The following DGCR8 variants were observed in gnomAD, a reference collection of about 807,000 sequenced individuals.
DGCR8 encodes microprocessor complex subunit DGCR8.
A neutral mutation model predicts 78.5 loss-of-function variants in DGCR8; 14 were observed. The observed-to-expected ratio is 0.18, with a 90% CI of 0.12 to 0.28. DGCR8 has a LOEUF of 0.28. Among genes scored for constraint, DGCR8 ranks in the 10% least tolerant of loss-of-function variants. The pLI is 1.00. For synonymous variants in DGCR8, 399 were observed against 402.4 expected (o/e 0.99, Z 0.10); for missense variants, 702 against 1,022.5 (o/e 0.69, Z 4.28).
In DGCR8 at chr22:20,089,952, A is replaced by G; in HGVS notation, c.1024-24A>G. On this transcript the variant is annotated intron_variant, in intron 4 of 13. Coordinates refer to ENST00000351989, the MANE Select transcript of DGCR8 (RefSeq NM_022720.7). This position sits in a 1 kb window ranked among gnomAD's most constrained non-coding sequence, Gnocchi z 4.9. Reference sequence around the variant, plus strand: ...GACTCTCGGGTTGTCCTTGTAATCCATATTGCAATTTCACTATCCACAGAA... The same window carrying G: ...GACTCTCGGGTTGTCCTTGTAATCCGTATTGCAATTTCACTATCCACAGAA... The G allele has an allele frequency of 1.9e-6, 3 of 1,596,076 alleles. No individual in the cohort carries two copies. The highest frequency in any genetic ancestry group is 1.1e-5 in the South Asian group (1 of 88,470).
rs1457555223 is a variant in DGCR8, at chr22:20,108,898, G to A, written c.2133G>A (p.Ser711=). The change falls in exon 13 of 14, where the codon TCG becomes TCA. Residue 711 remains serine (S), a synonymous_variant. Coordinates refer to ENST00000351989, the MANE Select transcript of DGCR8 (RefSeq NM_022720.7). Reference sequence around the variant, plus strand: ...GGTGCTATACTTCCCAGGAGACATCGGACAAGAGTGTGATTGAGCTGCAGC... The same window carrying A: ...GGTGCTATACTTCCCAGGAGACATCAGACAAGAGTGTGATTGAGCTGCAGC... The part of the protein sequence containing the change: ...ESSKMVKQET[S]DKSVIELQQY... The A allele has an allele frequency of 1.7e-5, 27 of 1,579,754 alleles. No homozygotes were observed. The highest frequency in any genetic ancestry group is 2.3e-5 in the Non-Finnish European group (27 of 1,149,230).
rs1045026293 is a variant in DGCR8 at position 20,087,918 on chromosome 22, C to T, written c.880+597C>T. Among the ~76,000 whole-genome samples, 4 of 152,076 alleles carry T rather than the reference C, an allele frequency of 2.6e-5. No homozygotes were observed. Among genetic ancestry groups the T allele is most frequent in the Non-Finnish European group, 4.4e-5 (3 of 68,010 alleles). ...GCGCCCAGAGTTGCACTGTGAGGCT[C>T]TGTCATCGATGTGGTGCAGGTGTTG... is the stretch of plus-strand genomic sequence containing the variant. On this transcript the variant is annotated intron_variant, in intron 3 of 13. Transcript: ENST00000351989. This position sits in a 1 kb window ranked among gnomAD's most constrained non-coding sequence, Gnocchi z 4.1.
Position 20,085,890 on chromosome 22 carries a change from C to A in DGCR8, c.-74C>A. On this transcript the variant is annotated 5_prime_UTR_variant, in exon 2 of 14. Transcript: ENST00000351989. This position sits in a 1 kb window ranked among gnomAD's most constrained non-coding sequence, Gnocchi z 6.2. ...GCGCCCGGGTCTCAGCGGACTTGTG[C>A]ATGTTAGCTGTGTAGATTTATGTGA... The A allele has an allele frequency of 6.6e-7, 1 of 1,504,136 alleles. No homozygotes were observed. The highest frequency in any genetic ancestry group is 1.3e-5 in the South Asian group (1 of 75,392). The allele number at this position is 1,504,136 out of a possible 1,614,324, so 93.2% of individuals were successfully genotyped here.
chr22:20,082,012 C>T (rs1221777872), intron 1 of DGCR8, among the ~76,000 whole-genome samples: 1 of 151,640 alleles, frequency 6.6e-6, no homozygotes. Flanking sequence ...CATCCACCAT[C>T]TATAGTTTTT....
In DGCR8 at chr22:20,087,832, C is replaced by T. The variant is rs181972437; in HGVS notation, c.880+511C>T. On this transcript the variant is annotated intron_variant, in intron 3 of 13. Transcript: ENST00000351989. This position sits in a 1 kb window ranked among gnomAD's most constrained non-coding sequence, Gnocchi z 4.1. The stretch of plus-strand genomic sequence containing the variant: ...CTTCAGCTGGGCAGGGTGGAAGTGC[C>T]CTGGTCGACGTGGCACTTCCTCAAC... Among the ~76,000 whole-genome samples the T allele has an allele frequency of 3.3e-4, 50 of 152,194 alleles. No homozygotes were observed. The highest frequency in any genetic ancestry group is 3.4e-3 in the Middle Eastern group (1 of 294).
At chr22:20,106,451 T>C (rs2049770980) in intron 10 of DGCR8, 141 bp from the exon 11 acceptor site, 1 of 817,046 alleles carries the variant, frequency 1.2e-6, no homozygotes, top group Non-Finnish European at 2.0e-6. Flanking sequence ...ATCGGGCGTG[T>C]GGAGAATTCC....
chr22:20,111,303 G>C lies in DGCR8; in HGVS notation c.*1195G>C. ...GCTTGTGGTGCGCCATCTGAAGCAA[G>C]AGTCCAGCGTTCTGCCGTGTCTGTC... On this transcript the variant is annotated 3_prime_UTR_variant, in exon 14 of 14. Coordinates refer to ENST00000351989, the MANE Select transcript of DGCR8 (RefSeq NM_022720.7). 1 of 398,834 alleles carries C rather than the reference G, an allele frequency of 2.5e-6. No individual in the cohort carries two copies. 24.7% of individuals were successfully genotyped at this position (398,834 alleles called of 1,614,324 possible).
chr22:20,101,543 A>T, intron 9 of DGCR8: 1 of 970,592 alleles, frequency 1.0e-6, no homozygotes, highest in South Asian at 4.8e-5. Flanking sequence ...GCGCCACTGC[A>T]CTCCAGCCTG....
rs1036064524 is a variant in DGCR8 at position 20,106,109 on chromosome 22, C to T, written c.1789-68C>T. 1.8e-5 allele frequency: 25 copies of T among 1,361,650 alleles called. No homozygotes were observed. The African/African-American group carries it at 3.2e-4, about 17-fold the overall frequency. 84.3% of individuals were successfully genotyped at this position (1,361,650 alleles called of 1,614,324 possible). ...CATTAAGCATCTGGGGAAAGCCAAC[C>T]GCAGGCCCAGCCATGAAGAGGCCGG... is the stretch of plus-strand genomic sequence containing the variant. On this transcript the variant is annotated intron_variant, in intron 9 of 13. Transcript: ENST00000351989.
intron 9 of DGCR8, chr22:20,096,682 C>T (rs2049632449): frequency 6.2e-6 from 1 of 161,452 alleles, no homozygotes; most frequent in Non-Finnish European, 1.3e-5. Context: ...TCTTAGTTCT[C>T]TCCAACCACC....
chr22:20,095,948 A>G (rs1568957380), intron 9 of DGCR8, among the ~76,000 whole-genome samples: 1 of 151,528 alleles, frequency 6.6e-6, no homozygotes, highest in East Asian at 1.9e-4. Context: ...TCACACTCCT[A>G]TGAGAATCTA....
intron 11 of DGCR8, 64 bp from the exon 12 acceptor site, chr22:20,107,207 A>AG (rs1456787140): frequency 6.2e-7 from 1 of 1,605,840 alleles, no homozygotes; most frequent in East Asian, 2.2e-5. Context: ...TGGGAGCGGC[A>AG]GGGGGCCCCA....
Position 20,090,160 on chromosome 22 carries a change from G to A in DGCR8, c.1208G>A (p.Gly403Glu), listed in dbSNP as rs753685267. The change falls in exon 5 of 14, where the codon GGG (glycine) becomes GAG (glutamate). Residue 403 changes from glycine to glutamate, a missense_variant. This residue lies in a region of DGCR8 where 119 missense variants were observed against 126.1 expected (regional missense o/e 0.94). Coordinates refer to ENST00000351989, the MANE Select transcript of DGCR8 (RefSeq NM_022720.7). ...DEPDSMGADP[G>E]PPDEKDPLGA... The stretch of plus-strand genomic sequence containing the variant: ...CCTGACTCTATGGGTGCTGACCCGG[G>A]GCCCCCGGACGAGAAAGACCCACTA... 6.2e-7 allele frequency: 1 copy of A among 1,614,256 alleles called. No homozygotes were observed. Among genetic ancestry groups the A allele is most frequent in the African/African-American group, 1.3e-5 (1 of 75,070 alleles).
At position 20,087,165 on chromosome 22, in the gene DGCR8, G is replaced by A. The variant is rs763922891; in HGVS notation, c.724G>A (p.Asp242Asn). The A allele has an allele frequency of 6.2e-7, 1 of 1,609,002 alleles. No individual in the cohort carries two copies. Among genetic ancestry groups the A allele is most frequent in the South Asian group, 1.1e-5 (1 of 90,682 alleles). Residue 242 changes from aspartate to asparagine, a missense_variant, in exon 3 of 14, where the codon GAC becomes AAC. Coordinates refer to ENST00000351989, the MANE Select transcript of DGCR8 (RefSeq NM_022720.7). The surrounding 1 kb of genome is among the most constrained non-coding windows in gnomAD (Gnocchi z 4.1). Reference protein sequence around the residue: ...EEALNFPYEDDFDNDVDALLE... With the variant: ...EEALNFPYEDNFDNDVDALLE... ...GTCTGAACAGCGTGTTTTGCAGGAT[G>A]ACTTTGACAACGATGTGGATGCTCT...
At chr22:20,083,295 C>T (rs1207713029) in intron 1 of DGCR8, among the ~76,000 whole-genome samples, 1 of 151,514 alleles carries the variant, frequency 6.6e-6, no homozygotes, top group Non-Finnish European at 1.5e-5. Flanking sequence ...GTTAGCGGTC[C>T]ATCTCCCCCA....
chr22:20,105,563 A>G (rs1457659390), intron 9 of DGCR8, among the ~76,000 whole-genome samples: 1 of 152,152 alleles, frequency 6.6e-6, no homozygotes, highest in Non-Finnish European at 1.5e-5. Flanking sequence ...ACTGTGTGGA[A>G]TCTCCCCATC....
intron 9 of DGCR8, chr22:20,102,257 C>T (rs529204555): frequency 1.3e-5 from 3 of 225,304 alleles, no homozygotes; most frequent in South Asian, 1.6e-4. Flanking sequence ...CCTGTATCCT[C>T]TGGTGGGCAC....
At chr22:20,106,824 GC>G in intron 11 of DGCR8, 126 bp downstream of exon 11, 1 of 704,926 alleles carries the variant, frequency 1.4e-6, no homozygotes. Context: ...GTGTGTGCTG[GC>G]CACCACACGT....
intron 9 of DGCR8, among the ~76,000 whole-genome samples, chr22:20,105,650 C>T (rs2049760641): frequency 6.6e-6 from 1 of 152,238 alleles, no homozygotes; most frequent in Non-Finnish European, 1.5e-5. Context: ...GGTGATGACA[C>T]TGTTGGAAGC....
Sources: gnomAD v4.1 joint callset for allele counts (sites outside exome capture counted in the v4.1 genomes callset) on GRCh38, gnomAD v4.1.1 for gene constraint, gnomAD v4.1.1 regional missense constraint, Gnocchi (gnomAD v3.1) non-coding constraint, MANE v1.5 for transcripts, NCBI Gene and HGNC (gene_info 2026-07-23, HGNC 2026-07-21) for gene names.